The following EPS8 variants were observed in gnomAD, a reference collection of about 807,000 sequenced individuals.
EPS8 encodes the protein epidermal growth factor receptor kinase substrate 8.
Under a neutral mutation model 103.8 loss-of-function variants are expected in EPS8, and 42 were observed. The ratio of observed to expected loss-of-function variants is 0.40; its 90% CI spans 0.32 to 0.52. The LOEUF is 0.52. EPS8 is among the 20% of genes least tolerant of loss of function. The probability of loss-of-function intolerance (pLI) is 0.40; values close to 1 mark genes in which losing one functional copy is unlikely to be tolerated. For missense variants in EPS8, 969 were observed against 1,005.1 expected, an observed-to-expected ratio of 0.96 and a Z score of 0.49; for synonymous variants, 344 against 344.6, an observed-to-expected ratio of 1.00 and a Z score of 0.02.
At position 15,752,829 on chromosome 12, in the gene EPS8, A is replaced by G. The variant is rs1409320472; in HGVS notation, c.-22+36332T>C. ...ATTTATCAGTCACATAACACCTTAA[A>G]AATACCTTTGAATCCACTATCTCAT... On this transcript the variant is annotated intron_variant, in intron 1 of 20. Coordinates refer to ENST00000281172, the MANE Select transcript of EPS8 (RefSeq NM_004447.6). This position sits in a 1 kb window ranked among gnomAD's most constrained non-coding sequence, Gnocchi z 4.4. Among the ~76,000 whole-genome samples, 1 of 152,124 alleles carries G rather than the reference A, an allele frequency of 6.6e-6. No individual in the cohort carries two copies. The highest frequency in any genetic ancestry group is 1.5e-5 in the Non-Finnish European group (1 of 68,020).
rs569139808 is a variant in EPS8, at chr12:15,752,093, A to C, written c.-22+37068T>G. 1.3e-5 allele frequency among the ~76,000 whole-genome samples: 2 copies of C among 152,340 alleles called. No individual in the cohort carries two copies. Among genetic ancestry groups the C allele is most frequent in the African/African-American group, 4.8e-5 (2 of 41,568 alleles). On this transcript the variant is annotated intron_variant, in intron 1 of 20. Transcript: ENST00000281172. This position sits in a 1 kb window ranked among gnomAD's most constrained non-coding sequence, Gnocchi z 4.4. ...AGTTATCAGACTGAGACACAAAGTT[A>C]ATACAGAATCATTAGCAATGGTACT... is the stretch of plus-strand genomic sequence containing the variant.
At chr12:15,655,106 C>T (rs1205433908) in intron 12 of EPS8, among the ~76,000 whole-genome samples, 6 of 152,056 alleles carry the variant, frequency 3.9e-5, no homozygotes, top group African/African-American at 1.4e-4. Flanking sequence ...TCCAATCATC[C>T]AGGTGTTCTC....
At chr12:15,754,997 G>A (rs968264207) in intron 1 of EPS8, among the ~76,000 whole-genome samples, 7 of 152,200 alleles carry the variant, frequency 4.6e-5, no homozygotes, top group Non-Finnish European at 1.0e-4. Flanking sequence ...TGCAAATCAA[G>A]ATACCACCTT....
Position 15,666,582 on chromosome 12 carries a change from T to A in EPS8, c.517-60A>T. On this transcript the variant is annotated intron_variant, in intron 6 of 20. Coordinates refer to ENST00000281172, the MANE Select transcript of EPS8 (RefSeq NM_004447.6). Reference sequence around the variant, plus strand: ...GATTTTTCTGAGTCTTGATATGTAGTTTAAAACAGAAAAAGGGATTGTTCC... The same window carrying A: ...GATTTTTCTGAGTCTTGATATGTAGATTAAAACAGAAAAAGGGATTGTTCC... 4.2e-6 allele frequency: 5 copies of A among 1,199,424 alleles called. No homozygotes were observed. In the Admixed American group the frequency reaches 7.2e-5, roughly 17 times the overall value. 74.3% of individuals were successfully genotyped at this position (1,199,424 alleles called of 1,614,324 possible). A position where few individuals can be genotyped will look rare whatever the true frequency, so the allele number is the denominator to read the frequency against.
At position 15,781,154 on chromosome 12, in the gene EPS8, T is replaced by C. The variant is rs1232297109; in HGVS notation, c.-22+8007A>G. Among the ~76,000 whole-genome samples, 7 of 152,332 alleles carry C rather than the reference T, an allele frequency of 4.6e-5. No homozygotes were observed. The East Asian group carries it at 1.2e-3, about 25-fold the overall frequency. Reference sequence around the variant, plus strand: ...ATCCTCATTCTTTAAAACAACCGTGTTCCATCACCACATACCTCTGGTCAG... The same window carrying C: ...ATCCTCATTCTTTAAAACAACCGTGCTCCATCACCACATACCTCTGGTCAG... On this transcript the variant is annotated intron_variant, in intron 1 of 20. Transcript: ENST00000281172. This position sits in a 1 kb window ranked among gnomAD's most constrained non-coding sequence, Gnocchi z 4.1.
intron 1 of EPS8, among the ~76,000 whole-genome samples, chr12:15,750,323 G>A (rs1032962950): frequency 3.3e-5 from 5 of 152,082 alleles, no homozygotes; most frequent in African/African-American, 9.7e-5. Context: ...AATGTTTATT[G>A]CAATCCAAGA....
In EPS8 at chr12:15,714,503, A is replaced by G. The variant is rs935884901; in HGVS notation, c.-21-31531T>C. Among the ~76,000 whole-genome samples the G allele has an allele frequency of 6.6e-6, 1 of 152,104 alleles. No homozygotes were observed. Among genetic ancestry groups the G allele is most frequent in the Non-Finnish European group, 1.5e-5 (1 of 68,020 alleles). On this transcript the variant is annotated intron_variant, in intron 1 of 20. Transcript: ENST00000281172. This position sits in a 1 kb window ranked among gnomAD's most constrained non-coding sequence, Gnocchi z 4.1. ...CAAAAAATTCAGCAATCAGCCAAGC[A>G]TGGTGGTACACACCAGCAGTCCTAG...
In EPS8 at chr12:15,752,603, C is replaced by T. The variant is rs1459110335; in HGVS notation, c.-22+36558G>A. Among the ~76,000 whole-genome samples, 2 of 151,964 alleles carry T rather than the reference C, an allele frequency of 1.3e-5. No individual in the cohort carries two copies. Among genetic ancestry groups the T allele is most frequent in the East Asian group, 3.9e-4 (2 of 5,172 alleles). ...AGTCAGAAACATTATATTGAGCCCCCAAATTATCTGAGAAAAAAAAGTCTT... is the reference window on the plus strand; with the variant it reads ...AGTCAGAAACATTATATTGAGCCCCTAAATTATCTGAGAAAAAAAAGTCTT... On this transcript the variant is annotated intron_variant, in intron 1 of 20. Transcript: ENST00000281172. This position sits in a 1 kb window ranked among gnomAD's most constrained non-coding sequence, Gnocchi z 4.4.
rs369440419 is a variant in EPS8 at position 15,777,583 on chromosome 12, C to CT, written c.-22+11577dup. ...AACTTAACCTTCACTGTCATAACCA[C>CT]TATGAATGTCTCTTTTATTCAGACT... On this transcript the variant is annotated intron_variant, in intron 1 of 20. Transcript: ENST00000281172. This position sits in a 1 kb window ranked among gnomAD's most constrained non-coding sequence, Gnocchi z 4.7. Among the ~76,000 whole-genome samples the CT allele has an allele frequency of 6.6e-6, 1 of 152,216 alleles. No individual in the cohort carries two copies. The highest frequency in any genetic ancestry group is 2.4e-5 in the African/African-American group (1 of 41,450).
chr12:15,712,728 A>C, intron 1 of EPS8: 3 of 343,296 alleles, frequency 8.7e-6, no homozygotes, highest in Non-Finnish European at 1.2e-5. Context: ...AAAAGCAATC[A>C]AAGGGCTTAC....
chr12:15,665,785 C>G lies in EPS8; in HGVS notation c.707G>C (p.Trp236Ser). The G allele has an allele frequency of 6.2e-7, 1 of 1,613,480 alleles. No homozygotes were observed. The highest frequency in any genetic ancestry group is 8.5e-7 in the Non-Finnish European group (1 of 1,179,830). ...CCCTTGGTCGGCTGCCCATGCAGAC[C>G]AGGCTGCCACTCGACTTCTAACATC... ...QVDVRSRVAA[W>S]SAWAADQGDF... Residue 236 changes from tryptophan (W) to serine (S), a missense_variant, in exon 8 of 21, where the codon TGG (tryptophan) becomes TCG (serine). Coordinates refer to ENST00000281172, the MANE Select transcript of EPS8 (RefSeq NM_004447.6).
chr12:15,715,582 C>T (rs1181141918), intron 1 of EPS8, among the ~76,000 whole-genome samples: 2 of 151,824 alleles, frequency 1.3e-5, no homozygotes, highest in Non-Finnish European at 2.9e-5. Context: ...GATGGGGTTT[C>T]ACCATGTTGA....
chr12:15,641,232 T>C (rs1199116821), intron 16 of EPS8, among the ~76,000 whole-genome samples: 2 of 152,324 alleles, frequency 1.3e-5, no homozygotes, highest in East Asian at 3.9e-4. Context: ...TTTATTGTGA[T>C]AATTCACCTT....
At position 15,698,971 on chromosome 12, in the gene EPS8, G is replaced by A. The variant is rs1946277418; in HGVS notation, c.-21-15999C>T. On this transcript the variant is annotated intron_variant, in intron 1 of 20. Transcript: ENST00000281172. The surrounding 1 kb of genome is among the most constrained non-coding windows in gnomAD (Gnocchi z 4.9). ...GCTTCAGATTTGAAAAAATGTAAAT[G>A]ACCATCAATCTACTAATATAAATGG... is the stretch of plus-strand genomic sequence containing the variant. Among the ~76,000 whole-genome samples the A allele has an allele frequency of 6.6e-6, 1 of 152,096 alleles. No homozygotes were observed. The highest frequency in any genetic ancestry group is 1.5e-5 in the Non-Finnish European group (1 of 68,028).
intron 1 of EPS8, among the ~76,000 whole-genome samples, chr12:15,689,644 C>T (rs1946145291): frequency 6.6e-6 from 1 of 152,134 alleles, no homozygotes; most frequent in South Asian, 2.1e-4. Context: ...GTGGTAAGAA[C>T]ATTTAAAACC....
intron 1 of EPS8, among the ~76,000 whole-genome samples, chr12:15,687,089 C>A (rs1946105776): frequency 6.6e-6 from 1 of 151,980 alleles, no homozygotes; most frequent in Non-Finnish European, 1.5e-5. Context: ...TACTTTGTGA[C>A]ATTGTCTAAC....
chr12:15,650,768 A>G, intron 14 of EPS8, 55 bp downstream of exon 14: 7 of 1,385,402 alleles, frequency 5.1e-6, no homozygotes, highest in Non-Finnish European at 7.1e-6. Flanking sequence ...GAATTACAAG[A>G]GAATACACAG....
chr12:15,681,305 G>GTAATAATAA lies in EPS8; in HGVS notation c.60-12_60-4dup, dbSNP rs201331879. The GTAATAATAA allele has an allele frequency of 1.5e-3, 1,590 of 1,083,770 alleles. 5 individuals carry two copies. Among genetic ancestry groups the GTAATAATAA allele is most frequent in the African/African-American group, 0.01 (586 of 56,844 alleles). 67.1% of individuals were successfully genotyped at this position (1,083,770 alleles called of 1,614,324 possible). A position where few individuals can be genotyped will look rare whatever the true frequency, so the allele number is the denominator to read the frequency against. On this transcript the variant is annotated splice_polypyrimidine_tract_variant and splice_region_variant and intron_variant, in intron 2 of 20. Coordinates refer to ENST00000281172, the MANE Select transcript of EPS8 (RefSeq NM_004447.6). Reference sequence around the variant, plus strand: ...AGGTAGGTGATGATCCGTAGCCACTGTAATAATAATAATAATAATAATAAT... The same window carrying GTAATAATAA: ...AGGTAGGTGATGATCCGTAGCCACTGTAATAATAATAATAATAATAATAATAATAATAAT...
At chr12:15,656,826 A>C (rs1040942200) in intron 12 of EPS8, among the ~76,000 whole-genome samples, 10 of 151,778 alleles carry the variant, frequency 6.6e-5, no homozygotes, top group African/African-American at 2.2e-4. Flanking sequence ...GTTAATCATC[A>C]CTCCATCCTG....
Sources: gnomAD v4.1 joint callset for allele counts (sites outside exome capture counted in the v4.1 genomes callset) on GRCh38, gnomAD v4.1.1 for gene constraint, Gnocchi (gnomAD v3.1) non-coding constraint, MANE v1.5 for transcripts, NCBI Gene and HGNC (gene_info 2026-07-23, HGNC 2026-07-21) for gene names.